The following STRIP1 variants were observed in gnomAD, a reference collection of about 807,000 sequenced individuals.
STRIP1 encodes the protein striatin-interacting protein 1.
Under a neutral mutation model 106.2 loss-of-function variants are expected in STRIP1, and 63 were observed. The ratio of observed to expected loss-of-function variants is 0.59; its 90% confidence interval spans 0.48 to 0.73. The LOEUF (loss-of-function observed/expected upper bound fraction) is 0.73, where lower values mean the gene tolerates loss of function less well. Among genes scored for constraint, STRIP1 ranks in the 30% least tolerant of loss-of-function variants. The pLI, the probability that STRIP1 is intolerant of heterozygous loss-of-function variation, is 0.00. For missense variants in STRIP1, 857 were observed against 1,074.8 expected (o/e 0.80, Z 2.83); for synonymous variants, 390 against 413.0 (o/e 0.94, Z 0.67).
chr1:110,045,197 CG>C (rs1652963638), intron 12 of STRIP1, 119 bp downstream of exon 12: 4 of 831,086 alleles, frequency 4.8e-6, no homozygotes, highest in Non-Finnish European at 7.9e-6. Context: ...GGGTAGAGGC[CG>C]GGGTGGACTT....
intron 12 of STRIP1, among the ~76,000 whole-genome samples, chr1:110,046,411 A>G (rs1653019484): frequency 6.6e-6 from 1 of 152,092 alleles, no homozygotes; most frequent in Admixed American, 6.5e-5. Flanking sequence ...GGAGCAGGAA[A>G]ATTGCTTGAA....
chr1:110,034,517 G>A (rs1652334371), upstream of STRIP1: 4 of 1,242,538 alleles, frequency 3.2e-6, no homozygotes, highest in East Asian at 9.4e-5. Context: ...AGCCAAGATG[G>A]CTTCTAACAC....
chr1:110,044,780 CT>C (rs1261165029), intron 10 of STRIP1, 59 bp from the exon 11 acceptor site: 1 of 1,543,366 alleles, frequency 6.5e-7, no homozygotes, highest in Non-Finnish European at 8.9e-7. Context: ...AACTGTAACA[CT>C]TTGAAATAGC....
chr1:110,051,827 A>G lies in STRIP1; in HGVS notation c.2206A>G (p.Met736Val), dbSNP rs1307929680. ...RQWRKSNMKT[M>V]SAIYQKVRHR... ...GTGGCGAAAGAGCAACATGAAGACCATGTCTGCCATCTACCAGAAGGTGCG... is the reference window on the plus strand; with the variant it reads ...GTGGCGAAAGAGCAACATGAAGACCGTGTCTGCCATCTACCAGAAGGTGCG... Residue 736 changes from methionine to valine, a missense_variant, in exon 20 of 21, where the codon ATG becomes GTG. Transcript: ENST00000369795. The G allele has an allele frequency of 6.2e-7, 1 of 1,613,524 alleles. No individual in the cohort carries two copies. The highest frequency in any genetic ancestry group is 1.1e-5 in the South Asian group (1 of 91,042).
At chr1:110,036,291 A>G (rs944501071) in intron 1 of STRIP1, among the ~76,000 whole-genome samples, 1 of 152,166 alleles carries the variant, frequency 6.6e-6, no homozygotes, top group African/African-American at 2.4e-5. Context: ...TGTCTCTACT[A>G]AAAATACAAA....
intron 5 of STRIP1, among the ~76,000 whole-genome samples, chr1:110,040,176 T>G (rs774029134): frequency 1.3e-5 from 2 of 152,096 alleles, no homozygotes; most frequent in African/African-American, 4.8e-5. Flanking sequence ...TTTTTGTGTT[T>G]TTTTTGTTTT....
intron 1 of STRIP1, among the ~76,000 whole-genome samples, chr1:110,036,206 A>C (rs1652444783): frequency 6.6e-6 from 1 of 152,202 alleles, no homozygotes; most frequent in Non-Finnish European, 1.5e-5. Context: ...TAATCCCAGC[A>C]CTTGGGGAGG....
rs1230159981 is a variant in STRIP1 at position 110,054,237 on chromosome 1, G to A, written c.*325G>A. ...GCTGGAATGGGATGGGAACCCCTCC[G>A]CCGTGCATCTGAATTTCAGGGGTCA... is the stretch of plus-strand genomic sequence containing the variant. On this transcript the variant is annotated 3_prime_UTR_variant, in exon 21 of 21. Coordinates refer to ENST00000369795, the MANE Select transcript of STRIP1 (RefSeq NM_033088.4). The A allele has an allele frequency of 3.7e-5, 11 of 297,620 alleles. No homozygotes were observed. Among genetic ancestry groups the A allele is most frequent in the African/African-American group, 6.5e-5 (3 of 46,482 alleles). 18.4% of individuals were successfully genotyped at this position (297,620 alleles called of 1,614,324 possible).
chr1:110,034,966 A>G (rs1375220154), intron 1 of STRIP1, 149 bp downstream of exon 1: 2 of 795,848 alleles, frequency 2.5e-6, no homozygotes, highest in Non-Finnish European at 3.6e-6. Flanking sequence ...AAGGAGCAGG[A>G]AGCGAGGCTG....
In STRIP1 at chr1:110,051,740, G is replaced by C. The variant is rs1340481953; in HGVS notation, c.2119G>C (p.Ala707Pro). 6 of 1,613,560 alleles carry C rather than the reference G, an allele frequency of 3.7e-6. No individual in the cohort carries two copies. The highest frequency in any genetic ancestry group is 5.1e-6 in the Non-Finnish European group (6 of 1,179,946). The change falls in exon 20 of 21, where the codon GCC becomes CCC. Residue 707 changes from alanine (A) to proline (P), a missense_variant. Physicochemically the swap from Ala to Pro is conservative, Grantham distance 27. Transcript: ENST00000369795. ...GAAGCGGGCCCTAAAGGTGAAACAA[G>C]CCATGATGCAGCTCTATGTGCTGAA... ...ILKRALKVKQAMMQLYVLKLL... is the reference protein window; with the variant it reads ...ILKRALKVKQPMMQLYVLKLL...
At chr1:110,053,513 T>G in intron 20 of STRIP1, 152 bp from the exon 21 acceptor site, 1 of 1,105,764 alleles carries the variant, frequency 9.0e-7, no homozygotes, top group Non-Finnish European at 1.3e-6. Context: ...TGACTCTCCT[T>G]TGGATCTAGG....
At chr1:110,033,891 T>A (rs933449485), upstream of STRIP1, among the ~76,000 whole-genome samples, 3 of 152,254 alleles carry the variant, frequency 2.0e-5, no homozygotes, top group African/African-American at 7.2e-5. Flanking sequence ...TCTTAGTAGT[T>A]TTCCGTCCAC....
chr1:110,043,401 C>A, intron 9 of STRIP1, 131 bp downstream of exon 9: 1 of 1,037,678 alleles, frequency 9.6e-7, no homozygotes, highest in Non-Finnish European at 1.4e-6. Flanking sequence ...GCCTCCACAG[C>A]GAGGATACTT....
At chr1:110,044,940 C>G in intron 11 of STRIP1, 35 bp downstream of exon 11, 1 of 1,613,838 alleles carries the variant, frequency 6.2e-7, no homozygotes, top group Non-Finnish European at 8.5e-7. Flanking sequence ...GCTGTTAGCT[C>G]TCCCGGCCTT....
rs751322617 is a variant in STRIP1 at position 110,041,766 on chromosome 1, A to G, written c.790A>G (p.Ile264Val). 8.1e-6 allele frequency: 13 copies of G among 1,614,152 alleles called. No homozygotes were observed. The highest frequency in any genetic ancestry group is 1.7e-5 in the Admixed American group (1 of 60,024). ...SPLYNNEPFA[I>V]MLFGMVTKFC... is the part of the protein sequence containing the mutation. ...GCTGTACAACAATGAGCCATTTGCC[A>G]TCATGCTGTTTGGGATGGTGACCAA... Residue 264 changes from isoleucine to valine, a missense_variant, in exon 8 of 21, where the codon ATC (isoleucine) becomes GTC (valine). Physicochemically the swap from Ile to Val is conservative, Grantham distance 29. Transcript: ENST00000369795.
At chr1:110,034,511 A>G (rs1195412931), upstream of STRIP1, 2 of 1,198,048 alleles carry the variant, frequency 1.7e-6, no homozygotes, top group Non-Finnish European at 2.2e-6. Flanking sequence ...TTGGTCAGCC[A>G]AGATGGCTTC....
rs970660163 is a variant in STRIP1 at position 110,034,759 on chromosome 1, G to T, written c.122G>T (p.Gly41Val). The T allele has an allele frequency of 1.4e-4, 209 of 1,454,726 alleles. No individual in the cohort carries two copies. The highest frequency in any genetic ancestry group is 1.7e-4 in the Non-Finnish European group (188 of 1,110,372). 90.1% of individuals were successfully genotyped at this position (1,454,726 alleles called of 1,614,324 possible). A position where few individuals can be genotyped will look rare whatever the true frequency, so the allele number is the denominator to read the frequency against. ...PPPGAPRAAA[G>V]LLPGGKAREF... ...CCCGGGGCACCGCGGGCCGCCGCGG[G>T]CCTCCTGCCTGGGGGCAAAGCCCGC... The change falls in exon 1 of 21, where the codon GGC (glycine) becomes GTC (valine). Residue 41 changes from glycine (G) to valine (V), a missense_variant. By Grantham distance (109) the Gly-to-Val change is moderately radical. Around this residue, in one of 2 missense-constraint regions of STRIP1, gnomAD observed 107 missense variants for 85.1 expected, o/e 1.26. Transcript: ENST00000369795.
At chr1:110,053,340 GC>G (rs1299046619) in intron 20 of STRIP1, among the ~76,000 whole-genome samples, 3 of 152,224 alleles carry the variant, frequency 2.0e-5, no homozygotes, top group Non-Finnish European at 4.4e-5. Flanking sequence ...GAGAGAATGA[GC>G]AAAGGAGAAG....
At chr1:110,036,442 G>A (rs1262347511) in intron 1 of STRIP1, among the ~76,000 whole-genome samples, 2 of 151,894 alleles carry the variant, frequency 1.3e-5, no homozygotes, top group African/African-American at 2.4e-5. Context: ...TGACAAGAGC[G>A]AAACTCTCCC....
Sources: gnomAD v4.1 joint callset for allele counts (sites outside exome capture counted in the v4.1 genomes callset) on GRCh38, gnomAD v4.1.1 for gene constraint, gnomAD v4.1.1 regional missense constraint, MANE v1.5 for transcripts, NCBI Gene and HGNC (gene_info 2026-07-23, HGNC 2026-07-21) for gene names.